The following ZNF33A variants were observed in gnomAD, a reference collection of about 807,000 sequenced individuals.
ZNF33A encodes zinc finger protein 33A, also known as brain my041 protein.
Under a neutral mutation model 15.9 loss-of-function variants are expected in ZNF33A, and 9 were observed. The observed-to-expected ratio is 0.57, with a 90% CI of 0.34 to 0.99. ZNF33A has a LOEUF of 0.99. ZNF33A is among the 50% of genes least tolerant of loss of function. The pLI, the probability that ZNF33A is intolerant of heterozygous loss-of-function variation, is 0.02. For synonymous variants in ZNF33A, 294 were observed against 324.2 expected, an observed-to-expected ratio of 0.91 and a Z score of 1.00; for missense variants, 843 against 941.6, an observed-to-expected ratio of 0.90 and a Z score of 1.37.
downstream of ZNF33A, among the ~76,000 whole-genome samples, chr10:38,065,913 A>T (rs1314159647): frequency 6.6e-6 from 1 of 151,906 alleles, no homozygotes; most frequent in Non-Finnish European, 1.5e-5. Flanking sequence ...GTTTCACCAT[A>T]CTGGCCAGGC....
intron 4 of ZNF33A, among the ~76,000 whole-genome samples, chr10:38,033,576 TG>T (rs1243458736): frequency 6.6e-6 from 1 of 152,210 alleles, no homozygotes; most frequent in Non-Finnish European, 1.5e-5. Flanking sequence ...CTGCCAGCAA[TG>T]CATGAATTTT....
chr10:38,048,848 A>G (rs572329634), intron 4 of ZNF33A, among the ~76,000 whole-genome samples: 1 of 152,302 alleles, frequency 6.6e-6, no homozygotes, highest in East Asian at 1.9e-4. Context: ...TTAATAATTG[A>G]TAAAACAGGA....
chr10:38,017,106 T>G lies in ZNF33A; in HGVS notation c.154+91T>G, dbSNP rs982008595. ...GGCAGTCTGTATAGTTTAATGATAT[T>G]TAAGGTTAGGCTTCAGGAGTCAGTG... On this transcript the variant is annotated intron_variant, in intron 3 of 4. Coordinates refer to ENST00000432900, the MANE Select transcript of ZNF33A (RefSeq NM_006954.2). The G allele has an allele frequency of 8.5e-6, 13 of 1,522,132 alleles. No homozygotes were observed. The African/African-American group carries it at 9.7e-5, about 11-fold the overall frequency. 94.3% of individuals were successfully genotyped at this position (1,522,132 alleles called of 1,614,324 possible).
chr10:38,018,629 C>T (rs763257675), intron 4 of ZNF33A, among the ~76,000 whole-genome samples: 2 of 152,182 alleles, frequency 1.3e-5, no homozygotes, highest in Non-Finnish European at 2.9e-5. Flanking sequence ...ATAGAGAGCT[C>T]ATTAAAGGCC....
chr10:38,027,371 T>A (rs2065030916), intron 4 of ZNF33A, among the ~76,000 whole-genome samples: 2 of 151,958 alleles, frequency 1.3e-5, no homozygotes, highest in African/African-American at 4.8e-5. Flanking sequence ...ATTTTTTTTT[T>A]AAGAGACAGA....
intron 4 of ZNF33A, among the ~76,000 whole-genome samples, chr10:38,028,704 G>A (rs1195591720): frequency 1.3e-5 from 2 of 152,126 alleles, no homozygotes; most frequent in Non-Finnish European, 2.9e-5. Flanking sequence ...CTGGCCTCAA[G>A]TGATCCACCC....
intron 4 of ZNF33A, 42 bp from the exon 5 acceptor site, chr10:38,054,333 T>C (rs1281348574): frequency 2.7e-6 from 4 of 1,476,732 alleles, no homozygotes; most frequent in Non-Finnish European, 2.7e-6. Flanking sequence ...CTAAGAAATG[T>C]TTTGGTATTT....
At position 38,057,293 on chromosome 10, in the gene ZNF33A, A is replaced by T; in HGVS notation, c.*733A>T. ...GTTCCCTTTTTGTATTAATAACCAC[A>T]CGCTTTCTGCAACCCTATCCCTTGC... On this transcript the variant is annotated 3_prime_UTR_variant, in exon 5 of 5. Transcript: ENST00000432900. 2 of 985,284 alleles carry T rather than the reference A, an allele frequency of 2.0e-6. No homozygotes were observed. Among genetic ancestry groups the T allele is most frequent in the Non-Finnish European group, 2.4e-6 (2 of 829,800 alleles). 61.0% of individuals were successfully genotyped at this position (985,284 alleles called of 1,614,324 possible). A position where few individuals can be genotyped will look rare whatever the true frequency, so the allele number is the denominator to read the frequency against.
Position 38,057,839 on chromosome 10 carries a change from A to AGCCCAGGGCT in ZNF33A, c.*1291_*1300dup, listed in dbSNP as rs1373158439. Reference sequence around the variant, plus strand: ...GGGCCCTGGAAAGGCCCACACATACAGCCCAGGGCTGCCCAGGGCTGTTGG... The same window carrying AGCCCAGGGCT: ...GGGCCCTGGAAAGGCCCACACATACAGCCCAGGGCTGCCCAGGGCTGCCCAGGGCTGTTGG... On this transcript the variant is annotated 3_prime_UTR_variant, in exon 5 of 5. Coordinates refer to ENST00000432900, the MANE Select transcript of ZNF33A (RefSeq NM_006954.2). 1 of 985,254 alleles carries AGCCCAGGGCT rather than the reference A, an allele frequency of 1.0e-6. No homozygotes were observed. The highest frequency in any genetic ancestry group is 4.7e-5 in the South Asian group (1 of 21,296). The allele number at this position is 985,254 out of a possible 1,614,324, so 61.0% of individuals were successfully genotyped here.
Position 38,010,675 on chromosome 10 carries a change from G to C in ZNF33A, c.-153G>C, listed in dbSNP as rs770011827. ...TGCCTCGTCCGCCGGCTACGTCTGC[G>C]TTTCCGCCTTTCCTTTTGTTTTTCT... On this transcript the variant is annotated 5_prime_UTR_variant, in exon 1 of 5. Coordinates refer to ENST00000432900, the MANE Select transcript of ZNF33A (RefSeq NM_006954.2). 1.3e-6 allele frequency: 2 copies of C among 1,591,362 alleles called. No homozygotes were observed. The highest frequency in any genetic ancestry group is 1.1e-5 in the South Asian group (1 of 90,920).
chr10:38,057,795 G>C lies in ZNF33A; in HGVS notation c.*1235G>C. ...AAGTGGTAGTCCAAATTTTCTTTAA[G>C]CAGCTGCTCTCCAAGACAGGGCCCT... On this transcript the variant is annotated 3_prime_UTR_variant, in exon 5 of 5. Coordinates refer to ENST00000432900, the MANE Select transcript of ZNF33A (RefSeq NM_006954.2). 2.0e-6 allele frequency: 2 copies of C among 985,434 alleles called. No homozygotes were observed. The allele number at this position is 985,434 out of a possible 1,614,324, so 61.0% of individuals were successfully genotyped here.
chr10:38,012,602 T>G (rs2064243579), intron 2 of ZNF33A, among the ~76,000 whole-genome samples: 1 of 151,916 alleles, frequency 6.6e-6, no homozygotes. Context: ...TGGCTAATTT[T>G]TTGCGTTTTA....
At chr10:38,039,730 C>T (rs547011549) in intron 4 of ZNF33A, 1 of 348,762 alleles carries the variant, frequency 2.9e-6, no homozygotes, top group East Asian at 8.7e-5. Context: ...ACTAGTAATA[C>T]ATCTTTAATC....
chr10:38,041,141 G>A (rs1200014656), intron 4 of ZNF33A, among the ~76,000 whole-genome samples: 1 of 151,586 alleles, frequency 6.6e-6, no homozygotes, highest in Non-Finnish European at 1.5e-5. Context: ...ATTTTTATAG[G>A]TTTCGAGGGT....
At chr10:38,062,587 G>A (rs1295754413), downstream of ZNF33A, among the ~76,000 whole-genome samples, 1 of 152,178 alleles carries the variant, frequency 6.6e-6, no homozygotes, top group East Asian at 1.9e-4. Flanking sequence ...AGAGAGATTT[G>A]TAATACCCCA....
At chr10:38,032,884 T>G (rs2065274262) in intron 4 of ZNF33A, among the ~76,000 whole-genome samples, 1 of 151,956 alleles carries the variant, frequency 6.6e-6, no homozygotes, top group South Asian at 2.1e-4. Flanking sequence ...GTAGCTGGGA[T>G]TGCAGGTGTG....
chr10:38,046,335 T>C (rs11011431), intron 4 of ZNF33A, among the ~76,000 whole-genome samples: 15,768 of 152,170 alleles, frequency 0.1, 1,001 homozygotes, highest in Admixed American at 0.18. Context: ...AATACTCACA[T>C]AGGGCCTGGA....
At chr10:38,050,054 A>G (rs2066130780) in intron 4 of ZNF33A, among the ~76,000 whole-genome samples, 1 of 152,230 alleles carries the variant, frequency 6.6e-6, no homozygotes, top group Non-Finnish European at 1.5e-5. Context: ...CCAGGTCCCC[A>G]GATGCTTCAG....
rs35295191 is a variant in ZNF33A at position 38,022,657 on chromosome 10, CA to C, written c.250+5292del. ...TGGGCAACAGAGCAAAACTCTGTCTCAAAAAAAAAAAAAAAAAAAAATGACA... is the reference window on the plus strand; with the variant it reads ...TGGGCAACAGAGCAAAACTCTGTCTCAAAAAAAAAAAAAAAAAAAATGACA... On this transcript the variant is annotated intron_variant, in intron 4 of 4. Coordinates refer to ENST00000432900, the MANE Select transcript of ZNF33A (RefSeq NM_006954.2). Among the ~76,000 whole-genome samples the C allele has an allele frequency of 4.3e-3, 390 of 90,898 alleles. 2 individuals are homozygous for C. The highest frequency in any genetic ancestry group is 0.037 in the South Asian group (94 of 2,536). 59.6% of individuals were successfully genotyped at this position (90,898 alleles called of 152,430 possible).
Sources: gnomAD v4.1 joint callset for allele counts (sites outside exome capture counted in the v4.1 genomes callset) on GRCh38, gnomAD v4.1.1 for gene constraint, MANE v1.5 for transcripts, NCBI Gene and HGNC (gene_info 2026-07-23, HGNC 2026-07-21) for gene names.